The following MSH5 variants were observed in gnomAD, a reference collection of about 807,000 sequenced individuals.
The protein encoded by MSH5 is mutS homolog 5.
MSH5 carries 78 observed loss-of-function variants against 107.7 expected under a neutral mutation model. That is an observed-to-expected ratio of 0.72 (90% CI 0.60 to 0.87). MSH5 has a LOEUF of 0.87. MSH5 is among the 40% of genes least tolerant of loss of function. The pLI is 0.00. For synonymous variants in MSH5, 326 were observed against 399.5 expected, an observed-to-expected ratio of 0.82 and a Z score of 2.19; for missense variants, 889 against 1,046.6, an observed-to-expected ratio of 0.85 and a Z score of 2.08.
chr6:31,761,810 C>T lies in MSH5; in HGVS notation c.2182-8C>T. ...TTGATGATACACTGTCTTTTATTCTCTTTTAAGACCATGGAGACCTGTGAG... is the reference window on the plus strand; with the variant it reads ...TTGATGATACACTGTCTTTTATTCTTTTTTAAGACCATGGAGACCTGTGAG... On this transcript the variant is annotated splice_polypyrimidine_tract_variant and splice_region_variant and intron_variant, in intron 22 of 24. Coordinates refer to ENST00000375750, the MANE Select transcript of MSH5 (RefSeq NM_172166.4). This position sits in a 1 kb window ranked among gnomAD's most constrained non-coding sequence, Gnocchi z 5.3. 1.2e-6 allele frequency: 2 copies of T among 1,613,098 alleles called. No individual in the cohort carries two copies. Among genetic ancestry groups the T allele is most frequent in the Non-Finnish European group, 1.7e-6 (2 of 1,180,026 alleles).
intron 12 of MSH5, among the ~76,000 whole-genome samples, chr6:31,757,210 T>G (rs1459074988): frequency 6.6e-6 from 1 of 152,170 alleles, no homozygotes; most frequent in Non-Finnish European, 1.5e-5. Context: ...AGTGGCGCGA[T>G]CTCGGCTCAC....
intron 3 of MSH5, among the ~76,000 whole-genome samples, chr6:31,742,640 G>T (rs1428344597): frequency 6.6e-6 from 1 of 152,188 alleles, no homozygotes; most frequent in Non-Finnish European, 1.5e-5. Flanking sequence ...TTCTCCAGGG[G>T]TTTACAGCCT....
chr6:31,748,203 A>C (rs1160920384), intron 10 of MSH5, among the ~76,000 whole-genome samples: 2 of 152,112 alleles, frequency 1.3e-5, no homozygotes, highest in Non-Finnish European at 2.9e-5. Context: ...ACTGATGCCC[A>C]CCAGATCTGT....
At chr6:31,743,842 T>C in intron 5 of MSH5, 62 bp from the exon 6 acceptor site, 1 of 1,588,978 alleles carries the variant, frequency 6.3e-7, no homozygotes, top group Non-Finnish European at 8.6e-7. Flanking sequence ...TGTCTCATTC[T>C]TAAAATGGGG....
Position 31,747,536 on chromosome 6 carries a change from C to G in MSH5, c.812+104C>G. On this transcript the variant is annotated intron_variant, in intron 10 of 24. Transcript: ENST00000375750. ...GTATACAGATTCTCACATACACCAC[C>G]CCACCTAGTAGTAGTAAAGCAACTG... 2.5e-6 allele frequency: 3 copies of G among 1,180,140 alleles called. No homozygotes were observed. The Admixed American group carries it at 5.8e-5, about 23-fold the overall frequency. The allele number at this position is 1,180,140 out of a possible 1,614,324, so 73.1% of individuals were successfully genotyped here.
Position 31,743,959 on chromosome 6 carries a change from C to T in MSH5, c.471C>T (p.Asp157=), listed in dbSNP as rs145902354. The T allele has an allele frequency of 2.5e-5, 40 of 1,613,792 alleles. No homozygotes were observed. Among genetic ancestry groups the T allele is most frequent in the Middle Eastern group, 1.6e-4 (1 of 6,062 alleles). ...CTGGAAACTACTCCTTCATCCCAGACGCCATGACTGCCACTGAGAAAATCC... is the reference window on the plus strand; with the variant it reads ...CTGGAAACTACTCCTTCATCCCAGATGCCATGACTGCCACTGAGAAAATCC... The part of the protein sequence containing the change: ...LLSGNYSFIP[D]AMTATEKILF... The change falls in exon 6 of 25, where the codon GAC becomes GAT. Residue 157 remains aspartate, a synonymous_variant. Transcript: ENST00000375750.
chr6:31,759,109 C>G lies in MSH5; in HGVS notation c.1339C>G (p.Leu447Val), dbSNP rs746692254. The change falls in exon 16 of 25, where the codon CTT (leucine) becomes GTT (valine). Residue 447 changes from leucine to valine, a missense_variant. Leu to Val is a conservative substitution (Grantham distance 32). This residue lies in a region of MSH5 where 518 missense variants were observed against 565.0 expected (regional missense o/e 0.92). Transcript: ENST00000375750. The surrounding 1 kb of genome is among the most constrained non-coding windows in gnomAD (Gnocchi z 4.7). ...VIYIPLIGFLLSIPRLPSMVE... is the reference protein window; with the variant it reads ...VIYIPLIGFLVSIPRLPSMVE... ...TTACTCTCCCCAGATTGGCTTCCTT[C>G]TTTCTATTCCCCGCCTGCCTTCCAT... 6.2e-7 allele frequency: 1 copy of G among 1,613,014 alleles called. No individual in the cohort carries two copies. The highest frequency in any genetic ancestry group is 1.7e-5 in the Admixed American group (1 of 60,020).
rs1421031585 is a variant in MSH5, at chr6:31,746,830, CGTTTT to C, written c.767-550_767-546del. ...GTTTTGTTTGTTTGTTTATTTGTTT[CGTTTT>C]GTTTTGAGACGGAGTCTTGCTCTGT... On this transcript the variant is annotated intron_variant, in intron 9 of 24. Coordinates refer to ENST00000375750, the MANE Select transcript of MSH5 (RefSeq NM_172166.4). Among the ~76,000 whole-genome samples the C allele has an allele frequency of 2.0e-5, 3 of 149,234 alleles. No homozygotes were observed. In the East Asian group the frequency reaches 6.1e-4, roughly 30 times the overall value.
rs766183558 is a variant in MSH5 at position 31,758,096 on chromosome 6, G to A, written c.1015-69G>A. 15 of 1,594,554 alleles carry A rather than the reference G, an allele frequency of 9.4e-6. No individual in the cohort carries two copies. The African/African-American group carries it at 1.5e-4, about 16-fold the overall frequency. ...TCCCTACTGGTCTTTGTTCTTCTGA[G>A]TCTGTCCCTATCACCACCTCAACCC... On this transcript the variant is annotated intron_variant, in intron 12 of 24. Transcript: ENST00000375750. The surrounding 1 kb of genome is among the most constrained non-coding windows in gnomAD (Gnocchi z 5.1).
chr6:31,742,961 A>G lies in MSH5; in HGVS notation c.352+4A>G, dbSNP rs1407985905. ...ACTCGATTTCTGGGAAAGCTTGGTA[A>G]GGACTTGGTAAAGGATAGAGGGAAA... On this transcript the variant is annotated splice_donor_region_variant and intron_variant, in intron 4 of 24. Coordinates refer to ENST00000375750, the MANE Select transcript of MSH5 (RefSeq NM_172166.4). 1 of 1,613,032 alleles carries G rather than the reference A, an allele frequency of 6.2e-7. No homozygotes were observed. The highest frequency in any genetic ancestry group is 8.5e-7 in the Non-Finnish European group (1 of 1,180,008).
Position 31,757,764 on chromosome 6 carries a change from G to A in MSH5, c.1015-401G>A, listed in dbSNP as rs530848226. The A allele has an allele frequency of 2.1e-3, 511 of 248,708 alleles. 4 individuals carry two copies. The highest frequency in any genetic ancestry group is 0.01 in the African/African-American group (463 of 44,332). The allele number at this position is 248,708 out of a possible 1,614,324, so 15.4% of individuals were successfully genotyped here. A position where few individuals can be genotyped will look rare whatever the true frequency, so the allele number is the denominator to read the frequency against. ...ATCTGGCTATAACCTCCACCTCCCGGGTTCAAGAGATTCTCCTGCCTCAGC... is the reference window on the plus strand; with the variant it reads ...ATCTGGCTATAACCTCCACCTCCCGAGTTCAAGAGATTCTCCTGCCTCAGC... On this transcript the variant is annotated intron_variant, in intron 12 of 24. Coordinates refer to ENST00000375750, the MANE Select transcript of MSH5 (RefSeq NM_172166.4).
chr6:31,751,186 C>T (rs191545751), intron 10 of MSH5, among the ~76,000 whole-genome samples: 46 of 152,096 alleles, frequency 3.0e-4, no homozygotes, highest in African/African-American at 1.1e-3. Context: ...TTAGTAGAGA[C>T]GGGGTTTCAC....
chr6:31,740,351 C>A lies in MSH5; in HGVS notation c.-13-103C>A. On this transcript the variant is annotated intron_variant, in intron 1 of 24. Coordinates refer to ENST00000375750, the MANE Select transcript of MSH5 (RefSeq NM_172166.4). The surrounding 1 kb of genome is among the most constrained non-coding windows in gnomAD (Gnocchi z 4.4). The stretch of plus-strand genomic sequence containing the variant: ...CGCCCCTCAGCCCTGCCCCGCAGCC[C>A]TGTAGCAGAAGTACTTAGTGCTTTG... 1.3e-5 allele frequency: 17 copies of A among 1,264,204 alleles called. No homozygotes were observed. Among genetic ancestry groups the A allele is most frequent in the Non-Finnish European group, 1.8e-5 (17 of 924,298 alleles). 78.3% of individuals were successfully genotyped at this position (1,264,204 alleles called of 1,614,324 possible). A position where few individuals can be genotyped will look rare whatever the true frequency, so the allele number is the denominator to read the frequency against.
Position 31,759,555 on chromosome 6 carries a change from A to T in MSH5, c.1495+43A>T, listed in dbSNP as rs780928765. On this transcript the variant is annotated intron_variant, in intron 17 of 24. Coordinates refer to ENST00000375750, the MANE Select transcript of MSH5 (RefSeq NM_172166.4). This position sits in a 1 kb window ranked among gnomAD's most constrained non-coding sequence, Gnocchi z 4.7. ...GTTATATGCATTGTAAGATGTTTAAAAAAAGCAGCAGCCAGGGGAAGGAGG... is the reference window on the plus strand; with the variant it reads ...GTTATATGCATTGTAAGATGTTTAATAAAAGCAGCAGCCAGGGGAAGGAGG... The T allele has an allele frequency of 2.5e-6, 4 of 1,603,052 alleles. No homozygotes were observed. Among genetic ancestry groups the T allele is most frequent in the African/African-American group, 2.7e-5 (2 of 74,682 alleles).
chr6:31,755,337 CATTTATTTATTT>C lies in MSH5; in HGVS notation c.1014+1737_1014+1748del, dbSNP rs60849631. On this transcript the variant is annotated intron_variant, in intron 12 of 24. Transcript: ENST00000375750. ...GAACTAAGTTTTTATTTTTTGCTTG[CATTTATTTATTT>C]ATTTATTTATTTATTTATTTATTTA... Among the ~76,000 whole-genome samples the C allele has an allele frequency of 7.1e-3, 1,025 of 145,012 alleles. 8 individuals carry two copies. Among genetic ancestry groups the C allele is most frequent in the Middle Eastern group, 0.025 (7 of 282 alleles).
At chr6:31,744,074 G>A (rs2151337308) in intron 6 of MSH5, 49 bp downstream of exon 6, 1 of 1,611,222 alleles carries the variant, frequency 6.2e-7, no homozygotes, top group South Asian at 1.1e-5. Context: ...ACAAGTGCTA[G>A]GGCTGAATTC....
At chr6:31,749,020 A>G (rs1459706828) in intron 10 of MSH5, among the ~76,000 whole-genome samples, 2 of 151,008 alleles carry the variant, frequency 1.3e-5, no homozygotes, top group Admixed American at 1.3e-4. Context: ...GGTTCAAGCA[A>G]TTCTCCTGCC....
At chr6:31,757,087 A>T (rs1469697527) in intron 12 of MSH5, 1 of 152,260 alleles carries the variant, frequency 6.6e-6, no homozygotes, top group Non-Finnish European at 1.5e-5. Flanking sequence ...TCAATATGGT[A>T]AATTAGTTCC....
At chr6:31,747,527 A>G (rs1809571307) in intron 10 of MSH5, 95 bp downstream of exon 10, 1 of 1,281,266 alleles carries the variant, frequency 7.8e-7, no homozygotes, top group Non-Finnish European at 1.1e-6. Context: ...AGATTCTCAC[A>G]TACACCACCC....
Sources: gnomAD v4.1 joint callset for allele counts (sites outside exome capture counted in the v4.1 genomes callset) on GRCh38, gnomAD v4.1.1 for gene constraint, gnomAD v4.1.1 regional missense constraint, Gnocchi (gnomAD v3.1) non-coding constraint, MANE v1.5 for transcripts, NCBI Gene and HGNC (gene_info 2026-07-23, HGNC 2026-07-21) for gene names.